LRMDA: variants seen among roughly 807,000 people sequenced by gnomAD.
The protein encoded by LRMDA is leucine rich melanocyte differentiation associated, also known as leucine-rich melanocyte differentiation-associated protein.
In LRMDA, 18 loss-of-function variants were observed where a neutral mutation model predicts 29.8. The ratio of observed to expected loss-of-function variants is 0.60; its 90% confidence interval spans 0.42 to 0.90. LRMDA has a LOEUF of 0.90. Among genes scored for constraint, LRMDA ranks in the 40% least tolerant of loss-of-function variants. The pLI, the probability that LRMDA is intolerant of heterozygous loss-of-function variation, is 0.00. For synonymous variants in LRMDA, 125 were observed against 109.4 expected (o/e 1.14, Z -0.89); for missense variants, 273 against 273.9 (o/e 1.00, Z 0.02).
rs187727301 is a variant in LRMDA, at chr10:75,946,568, T to C, written c.132-89440T>C. Among the ~76,000 whole-genome samples the C allele has an allele frequency of 2.6e-5, 4 of 152,312 alleles. No homozygotes were observed. In the East Asian group the frequency reaches 7.7e-4, roughly 29 times the overall value. ...GTGTGTGAAAGGTCGCACAACCTCTTAGAGGAGTATGGTGGGGAAAATATG... is the reference window on the plus strand; with the variant it reads ...GTGTGTGAAAGGTCGCACAACCTCTCAGAGGAGTATGGTGGGGAAAATATG... On this transcript the variant is annotated intron_variant, in intron 2 of 6. Coordinates refer to ENST00000611255, the MANE Select transcript of LRMDA (RefSeq NM_001305581.2).
intron 2 of LRMDA, among the ~76,000 whole-genome samples, chr10:75,986,419 T>C (rs772345546): frequency 2.2e-4 from 33 of 152,358 alleles, no homozygotes; most frequent in Admixed American, 9.8e-4. Context: ...TAAAAGATGT[T>C]GTACCTTCTT....
intron 2 of LRMDA, among the ~76,000 whole-genome samples, chr10:75,736,432 C>G (rs1259942145): frequency 6.6e-6 from 1 of 152,204 alleles, no homozygotes; most frequent in Non-Finnish European, 1.5e-5. Flanking sequence ...TAAACACACA[C>G]AGCGGGAGAC....
chr10:75,963,316 T>C (rs934091352), intron 2 of LRMDA, among the ~76,000 whole-genome samples: 1 of 152,206 alleles, frequency 6.6e-6, no homozygotes, highest in Admixed American at 6.6e-5. Flanking sequence ...TTCTAGCCAT[T>C]TTACCTGTAT....
chr10:76,293,170 A>G (rs1840370698), intron 5 of LRMDA, among the ~76,000 whole-genome samples: 1 of 152,020 alleles, frequency 6.6e-6, no homozygotes, highest in Non-Finnish European at 1.5e-5. Flanking sequence ...TAGTAAAGTC[A>G]TTGTTTTGCC....
rs1390792221 is a variant in LRMDA at position 76,341,259 on chromosome 10, T to C, written c.601+16774T>C. On this transcript the variant is annotated intron_variant, in intron 6 of 6. Transcript: ENST00000611255. ...GAAATAACTATTACGAATAGCTATATAGCAAAATAAAGTGCCAATATTCAT... is the reference window on the plus strand; with the variant it reads ...GAAATAACTATTACGAATAGCTATACAGCAAAATAAAGTGCCAATATTCAT... Among the ~76,000 whole-genome samples the C allele has an allele frequency of 2.0e-5, 3 of 152,130 alleles. No individual in the cohort carries two copies. In the East Asian group the frequency reaches 5.8e-4, roughly 29 times the overall value.
intron 2 of LRMDA, among the ~76,000 whole-genome samples, chr10:75,567,150 T>G (rs916296283): frequency 2.0e-5 from 3 of 152,182 alleles, no homozygotes; most frequent in Non-Finnish European, 2.9e-5. Context: ...ATTAGTTATT[T>G]TTTTTTCTTC....
intron 2 of LRMDA, among the ~76,000 whole-genome samples, chr10:75,449,147 ATC>A (rs1844429700): frequency 7.0e-6 from 1 of 143,840 alleles, no homozygotes. Context: ...GTGAGACTCC[ATC>A]TCAAAAAAAA....
intron 2 of LRMDA, among the ~76,000 whole-genome samples, chr10:75,880,485 G>A (rs1845276407): frequency 6.6e-6 from 1 of 152,146 alleles, no homozygotes; most frequent in Non-Finnish European, 1.5e-5. Context: ...GAAAAACAGG[G>A]GTCAAATAGG....
At chr10:76,103,317 G>A (rs1233049406) in intron 5 of LRMDA, among the ~76,000 whole-genome samples, 1 of 152,178 alleles carries the variant, frequency 6.6e-6, no homozygotes, top group Non-Finnish European at 1.5e-5. Context: ...AACAATAAGA[G>A]CCCTCTTGAA....
Position 76,324,474 on chromosome 10 carries a change from C to T in LRMDA, c.590C>T (p.Thr197Ile). Residue 197 changes from threonine to isoleucine, a missense_variant, in exon 6 of 7, where the codon ACC (threonine) becomes ATC (isoleucine). Physicochemically the swap from Thr to Ile is moderately conservative, Grantham distance 89. Coordinates refer to ENST00000611255, the MANE Select transcript of LRMDA (RefSeq NM_001305581.2). ...TPLPSASRELTSHQGVLGKCR... is the reference protein window; with the variant it reads ...TPLPSASRELISHQGVLGKCR... ...TTGCCTTCTGCTTCCAGGGAACTCA[C>T]CAGTCACCAAGGTTGGAACTCAGCT... The T allele has an allele frequency of 6.2e-7, 1 of 1,614,046 alleles. No homozygotes were observed. Among genetic ancestry groups the T allele is most frequent in the East Asian group, 2.2e-5 (1 of 44,858 alleles).
At chr10:75,701,134 G>C (rs2132169673) in intron 2 of LRMDA, among the ~76,000 whole-genome samples, 1 of 152,286 alleles carries the variant, frequency 6.6e-6, no homozygotes, top group African/African-American at 2.4e-5. Context: ...GGGAGTCCAA[G>C]GCCTTTGTGG....
At chr10:75,812,011 A>G (rs1843970124) in intron 2 of LRMDA, among the ~76,000 whole-genome samples, 1 of 151,200 alleles carries the variant, frequency 6.6e-6, no homozygotes, top group East Asian at 2.0e-4. Flanking sequence ...TTTGCCCTTG[A>G]CGTTGAAGTG....
intron 2 of LRMDA, among the ~76,000 whole-genome samples, chr10:75,922,754 C>A (rs1846047349): frequency 1.3e-5 from 2 of 152,168 alleles, no homozygotes; most frequent in Non-Finnish European, 2.9e-5. Flanking sequence ...TCAGTTTTAT[C>A]ATGAAAATTG....
intron 5 of LRMDA, among the ~76,000 whole-genome samples, chr10:76,158,459 A>G (rs1850583283): frequency 6.6e-6 from 1 of 152,174 alleles, no homozygotes; most frequent in Admixed American, 6.6e-5. Flanking sequence ...ACTTAAGACT[A>G]GTGAATACAT....
chr10:76,558,948 A>G lies in LRMDA; in HGVS notation c.*1660A>G, dbSNP rs1589237258. The G allele has an allele frequency of 6.6e-6, 1 of 152,210 alleles. No homozygotes were observed. Among genetic ancestry groups the G allele is most frequent in the East Asian group, 1.9e-4 (1 of 5,200 alleles). 9.4% of individuals were successfully genotyped at this position (152,210 alleles called of 1,614,324 possible). A position where few individuals can be genotyped will look rare whatever the true frequency, so the allele number is the denominator to read the frequency against. ...ATGTTTGCATTTATCTCTCAAATCC[A>G]TTAGTAACTGGATTTGAGTACCTTT... is the stretch of plus-strand genomic sequence containing the variant. On this transcript the variant is annotated 3_prime_UTR_variant, in exon 7 of 7. Transcript: ENST00000611255.
chr10:76,205,082 A>G (rs77555173), intron 5 of LRMDA, among the ~76,000 whole-genome samples: 5,358 of 152,294 alleles, frequency 0.035, 319 homozygotes, highest in African/African-American at 0.12. Flanking sequence ...GGGATCCTCT[A>G]ACTGCCAGAG....
At chr10:76,178,173 A>G (rs1850976006) in intron 5 of LRMDA, among the ~76,000 whole-genome samples, 1 of 152,216 alleles carries the variant, frequency 6.6e-6, no homozygotes, top group South Asian at 2.1e-4. Context: ...CTGTGTTTTC[A>G]CAGCCCTCAG....
chr10:76,452,371 A>G (rs1228111987), intron 6 of LRMDA, among the ~76,000 whole-genome samples: 1 of 151,970 alleles, frequency 6.6e-6, no homozygotes, highest in African/African-American at 2.4e-5. Flanking sequence ...ACACCTAATC[A>G]CTCACCTGTT....
At chr10:75,948,204 C>G (rs1846510249) in intron 2 of LRMDA, among the ~76,000 whole-genome samples, 1 of 152,132 alleles carries the variant, frequency 6.6e-6, no homozygotes, top group African/African-American at 2.4e-5. Context: ...CTCTTAGAGT[C>G]TGACACCAGC....
Sources: allele counts gnomAD v4.1 joint callset (sites outside exome capture counted in the v4.1 genomes callset), GRCh38; gene constraint gnomAD v4.1.1; transcripts MANE v1.5; gene names NCBI Gene and HGNC (gene_info 2026-07-23, HGNC 2026-07-21).